TENT2: variants seen among roughly 807,000 people sequenced by gnomAD.
TENT2 encodes terminal nucleotidyltransferase 2, also known as poly(A) RNA polymerase GLD2.
In TENT2, 44 loss-of-function variants were observed where a neutral mutation model predicts 72.2. The observed-to-expected ratio is 0.61, with a 90% CI of 0.48 to 0.78. The LOEUF is 0.78. TENT2 is among the 30% of genes least tolerant of loss of function. The pLI is 0.00. For missense variants in TENT2, 541 were observed against 569.6 expected (o/e 0.95, Z 0.51); for synonymous variants, 212 against 192.5 (o/e 1.10, Z -0.84).
intron 10 of TENT2, among the ~76,000 whole-genome samples, chr5:79,650,357 C>T (rs1354692798): frequency 1.3e-5 from 2 of 152,030 alleles, no homozygotes; most frequent in East Asian, 1.9e-4. Context: ...GTCACATTTT[C>T]ATAGCTGTTA....
At position 79,652,448 on chromosome 5, in the gene TENT2, A is replaced by C. The variant is rs1794906742; in HGVS notation, c.1027+3258A>C. 2.6e-5 allele frequency among the ~76,000 whole-genome samples: 4 copies of C among 152,160 alleles called. No homozygotes were observed. In the South Asian group the frequency reaches 8.3e-4, roughly 32 times the overall value. ...TAGGTGCCAAAATTGTATCAGGGTT[A>C]TTTGTGGACAGTTTAGCAAAGTTCT... On this transcript the variant is annotated intron_variant, in intron 10 of 14. Transcript: ENST00000453514.
intron 12 of TENT2, among the ~76,000 whole-genome samples, chr5:79,673,549 T>G: frequency 6.7e-6 from 1 of 149,078 alleles, no homozygotes; most frequent in East Asian, 1.9e-4. Flanking sequence ...TTGAAGAGAC[T>G]GTGCTTTCCC....
intron 12 of TENT2, among the ~76,000 whole-genome samples, chr5:79,671,843 C>G (rs547055238): frequency 5.3e-5 from 8 of 152,184 alleles, no homozygotes; most frequent in African/African-American, 1.9e-4. Context: ...TGGCTCATGT[C>G]TGTAATCCCA....
chr5:79,679,737 G>T, intron 13 of TENT2, 67 bp downstream of exon 13: 1 of 895,018 alleles, frequency 1.1e-6, no homozygotes. Context: ...AATTTCAGCT[G>T]TGTTTCAGTT....
chr5:79,618,834 C>T lies in TENT2; in HGVS notation c.-37-778C>T, dbSNP rs545266327. ...GTATTATTATGTTCTCTTGTTACTA[C>T]GTTACATAGTTTCTCTCTCATTTTG... On this transcript the variant is annotated intron_variant, in intron 1 of 14. Coordinates refer to ENST00000453514, the MANE Select transcript of TENT2 (RefSeq NM_001114394.3). Among the ~76,000 whole-genome samples the T allele has an allele frequency of 1.1e-4, 16 of 152,222 alleles. No individual in the cohort carries two copies. In the South Asian group the frequency reaches 1.7e-3, roughly 16 times the overall value.
chr5:79,644,946 A>T, intron 7 of TENT2, 177 bp from the exon 8 acceptor site: 1 of 507,712 alleles, frequency 2.0e-6, no homozygotes, highest in Non-Finnish European at 3.5e-6. Flanking sequence ...CCTAAATGGT[A>T]TTACTGGAGC....
At chr5:79,659,861 T>C (rs1050899915) in intron 11 of TENT2, among the ~76,000 whole-genome samples, 9 of 147,084 alleles carry the variant, frequency 6.1e-5, no homozygotes, top group African/African-American at 2.4e-4. Flanking sequence ...TTTGTATACA[T>C]CTGATTGTTC....
At chr5:79,649,481 C>T (rs1023143833) in intron 10 of TENT2, among the ~76,000 whole-genome samples, 2 of 150,106 alleles carry the variant, frequency 1.3e-5, no homozygotes, top group African/African-American at 5.0e-5. Flanking sequence ...TTGAAGCAGA[C>T]GAATGTTCAA....
intron 1 of TENT2, among the ~76,000 whole-genome samples, chr5:79,613,648 T>A (rs1391579361): frequency 6.6e-6 from 1 of 152,244 alleles, no homozygotes; most frequent in African/African-American, 2.4e-5. Context: ...TCTGGAAATG[T>A]CCTGTAACAG....
intron 10 of TENT2, among the ~76,000 whole-genome samples, chr5:79,650,267 A>G (rs1266030807): frequency 6.6e-6 from 1 of 152,162 alleles, no homozygotes; most frequent in African/African-American, 2.4e-5. Context: ...TAGGTATTCT[A>G]GGATCTGAGA....
At chr5:79,630,179 A>G (rs1176038213) in intron 4 of TENT2, among the ~76,000 whole-genome samples, 2 of 152,168 alleles carry the variant, frequency 1.3e-5, no homozygotes, top group Admixed American at 6.5e-5. Context: ...TTTTATTTAT[A>G]TAAATGCTGT....
intron 11 of TENT2, among the ~76,000 whole-genome samples, chr5:79,664,963 A>G (rs190694987): frequency 6.6e-6 from 1 of 152,310 alleles, no homozygotes; most frequent in East Asian, 1.9e-4. Context: ...TCACTTCATT[A>G]TAGTACCTCT....
At position 79,658,677 on chromosome 5, in the gene TENT2, T is replaced by C. The variant is rs547244232; in HGVS notation, c.1071+1676T>C. ...ATAAACTTATCCCAAAATAATATTG[T>C]GTATTGAAAAATGCTTCTGCAGCAG... On this transcript the variant is annotated intron_variant, in intron 11 of 14. Transcript: ENST00000453514. 8.1e-4 allele frequency among the ~76,000 whole-genome samples: 123 copies of C among 152,346 alleles called. 2 individuals carry two copies. The South Asian group carries it at 0.024, about 30-fold the overall frequency.
intron 10 of TENT2, among the ~76,000 whole-genome samples, chr5:79,653,997 G>A (rs1478365067): frequency 2.0e-5 from 3 of 152,158 alleles, no homozygotes; most frequent in Non-Finnish European, 4.4e-5. Context: ...TAGGTCCTCT[G>A]TATGTAGAAA....
intron 1 of TENT2, 92 bp from the exon 2 acceptor site, chr5:79,619,520 C>G (rs1421840953): frequency 1.6e-5 from 15 of 928,144 alleles, no homozygotes; most frequent in Non-Finnish European, 2.1e-5. Flanking sequence ...AACTTGATAA[C>G]TAATTGTTTT....
At chr5:79,640,463 C>T (rs1783586628) in intron 4 of TENT2, among the ~76,000 whole-genome samples, 1 of 152,104 alleles carries the variant, frequency 6.6e-6, no homozygotes, top group South Asian at 2.1e-4. Context: ...CAGGCTTTGC[C>T]ACTCACATAT....
intron 1 of TENT2, among the ~76,000 whole-genome samples, chr5:79,616,833 C>CA (rs1311500864): frequency 1.2e-4 from 19 of 152,292 alleles, no homozygotes; most frequent in African/African-American, 4.6e-4. Context: ...AAATTAGAGT[C>CA]AGGCATTTAG....
chr5:79,677,863 G>C (rs538741298), intron 12 of TENT2, among the ~76,000 whole-genome samples: 1 of 152,246 alleles, frequency 6.6e-6, no homozygotes, highest in African/African-American at 2.4e-5. Context: ...GCAGTGGCAC[G>C]ATCACAGCTT....
intron 4 of TENT2, among the ~76,000 whole-genome samples, chr5:79,640,120 G>A (rs1273891014): frequency 6.6e-6 from 1 of 152,080 alleles, no homozygotes; most frequent in Non-Finnish European, 1.5e-5. Flanking sequence ...GCTGGGTGTG[G>A]TGGCACATGC....
Sources: gnomAD v4.1 joint callset for allele counts (sites outside exome capture counted in the v4.1 genomes callset) on GRCh38, gnomAD v4.1.1 for gene constraint, MANE v1.5 for transcripts, NCBI Gene and HGNC (gene_info 2026-07-23, HGNC 2026-07-21) for gene names.